The following TBC1D1 variants were observed in gnomAD, a reference collection of about 807,000 sequenced individuals.
TBC1D1 encodes the protein TBC1 (tre-2/USP6, BUB2, cdc16) domain family, member 1.
A neutral mutation model predicts 125.6 loss-of-function variants in TBC1D1; 89 were observed. The ratio of observed to expected loss-of-function variants is 0.71; its 90% CI spans 0.60 to 0.85. The LOEUF is 0.85. Ranked by LOEUF, TBC1D1 falls within the 40% of genes least tolerant of loss-of-function variation. TBC1D1 has a pLI of 0.00. For synonymous variants in TBC1D1, 565 were observed against 564.1 expected (o/e 1.00, Z -0.02); for missense variants, 1,377 against 1,469.2 (o/e 0.94, Z 1.03).
rs10452133 is a variant in TBC1D1, at chr4:37,894,835, C to T, written c.-94+3487C>T. Among the ~76,000 whole-genome samples, 61 of 152,304 alleles carry T rather than the reference C, an allele frequency of 4.0e-4. 1 individual carries two copies. Among genetic ancestry groups the T allele is most frequent in the African/African-American group, 1.4e-3 (59 of 41,574 alleles). On this transcript the variant is annotated intron_variant, in intron 1 of 19. Coordinates refer to ENST00000261439, the MANE Select transcript of TBC1D1 (RefSeq NM_015173.4). ...AAAGATATTTGAGGGTTATTCCCAT[C>T]TAAAGATCTATGGGATCTTTGGATA...
At chr4:38,104,807 G>C (rs1396231181) in intron 15 of TBC1D1, among the ~76,000 whole-genome samples, 1 of 150,978 alleles carries the variant, frequency 6.6e-6, no homozygotes, top group Non-Finnish European at 1.5e-5. Context: ...CCAGGCTAGA[G>C]TGCAGTGGTG....
chr4:37,949,945 C>A (rs1246482620), intron 2 of TBC1D1, among the ~76,000 whole-genome samples: 1 of 152,104 alleles, frequency 6.6e-6, no homozygotes, highest in African/African-American at 2.4e-5. Flanking sequence ...AGTTGAACCC[C>A]AGTTGCACCG....
In TBC1D1 at chr4:38,089,989, A is replaced by G; in HGVS notation, c.2108A>G (p.Asp703Gly). ...TCTCCTTTAGAACCAGTTTGTGAAG[A>G]TGGGCCCTTTGGCCCCCCACCAGAG... is the stretch of plus-strand genomic sequence containing the variant. The change falls in exon 13 of 20, where the codon GAT becomes GGT. Residue 703 changes from aspartate (D) to glycine (G), a missense_variant. Around this residue, in one of 3 missense-constraint regions of TBC1D1, gnomAD observed 543 missense variants for 613.5 expected, o/e 0.89. Coordinates refer to ENST00000261439, the MANE Select transcript of TBC1D1 (RefSeq NM_015173.4). The G allele has an allele frequency of 6.2e-7, 1 of 1,614,000 alleles. No individual in the cohort carries two copies. The highest frequency in any genetic ancestry group is 8.5e-7 in the Non-Finnish European group (1 of 1,179,958).
chr4:38,037,826 G>T (rs1747516998), intron 8 of TBC1D1, among the ~76,000 whole-genome samples: 1 of 152,174 alleles, frequency 6.6e-6, no homozygotes, highest in African/African-American at 2.4e-5. Context: ...TGTCAGAGGA[G>T]TTGTGAAATA....
intron 2 of TBC1D1, among the ~76,000 whole-genome samples, chr4:37,925,395 GA>G (rs1577885163): frequency 1.3e-5 from 2 of 151,898 alleles, no homozygotes; most frequent in South Asian, 2.1e-4. Context: ...AACAAGTGAA[GA>G]AAAAAAATTA....
Position 38,095,937 on chromosome 4 carries a change from A to G in TBC1D1, c.2245A>G (p.Asn749Asp). The change falls in exon 14 of 20, where the codon AAT (asparagine) becomes GAT (aspartate). Residue 749 changes from asparagine (N) to aspartate (D), a missense_variant. Physicochemically the swap from Asn to Asp is conservative, Grantham distance 23. Coordinates refer to ENST00000261439, the MANE Select transcript of TBC1D1 (RefSeq NM_015173.4). ...GGAATGGTCTATTCCAGCCTCTGAA[A>G]ATGATTTGCTGAACAAGCGCCTGAA... 1 of 1,613,304 alleles carries G rather than the reference A, an allele frequency of 6.2e-7. No homozygotes were observed. Among genetic ancestry groups the G allele is most frequent in the African/African-American group, 1.3e-5 (1 of 74,974 alleles).
intron 12 of TBC1D1, among the ~76,000 whole-genome samples, chr4:38,070,014 G>A (rs1437482114): frequency 1.3e-5 from 2 of 152,182 alleles, no homozygotes; most frequent in Non-Finnish European, 2.9e-5. Flanking sequence ...TGTGGGAGGT[G>A]TGGAGCAGGG....
At chr4:37,964,452 C>T (rs953134621) in intron 2 of TBC1D1, among the ~76,000 whole-genome samples, 5 of 152,186 alleles carry the variant, frequency 3.3e-5, no homozygotes, top group Non-Finnish European at 7.3e-5. Context: ...TAGGCTGTGG[C>T]GAGGACCAAG....
At chr4:38,028,106 TAAAA>T (rs1197627194) in intron 7 of TBC1D1, among the ~76,000 whole-genome samples, 326 of 148,232 alleles carry the variant, frequency 2.2e-3, no homozygotes, top group African/African-American at 7.5e-3. Context: ...GATGAGCTGC[TAAAA>T]AAACAAACAA....
chr4:38,005,388 G>A (rs1424621520), intron 2 of TBC1D1, among the ~76,000 whole-genome samples: 1 of 152,170 alleles, frequency 6.6e-6, no homozygotes, highest in African/African-American at 2.4e-5. Context: ...CCTGAATCTT[G>A]GGTATTGTAC....
At chr4:38,114,364 C>G (rs1319505778) in intron 15 of TBC1D1, among the ~76,000 whole-genome samples, 1 of 152,194 alleles carries the variant, frequency 6.6e-6, no homozygotes, top group Non-Finnish European at 1.5e-5. Context: ...CGTAGCTTTC[C>G]TCTTGAGTCA....
intron 12 of TBC1D1, among the ~76,000 whole-genome samples, chr4:38,069,161 C>T (rs953159000): frequency 5.9e-5 from 9 of 152,232 alleles, no homozygotes; most frequent in African/African-American, 2.2e-4. Flanking sequence ...CAAGGTCATA[C>T]AGGCAAGGTC....
intron 1 of TBC1D1, among the ~76,000 whole-genome samples, chr4:37,893,320 G>A (rs1713777451): frequency 6.6e-6 from 1 of 152,180 alleles, no homozygotes; most frequent in Non-Finnish European, 1.5e-5. Context: ...CAGATTCCCA[G>A]AGGACTGAAA....
chr4:37,897,838 C>G (rs1714979677), intron 1 of TBC1D1, among the ~76,000 whole-genome samples: 1 of 152,120 alleles, frequency 6.6e-6, no homozygotes, highest in Non-Finnish European at 1.5e-5. Flanking sequence ...CATTTAATGT[C>G]ATTTTCACCT....
chr4:37,941,890 AGTTT>A (rs1422380288), intron 2 of TBC1D1, among the ~76,000 whole-genome samples: 1 of 152,198 alleles, frequency 6.6e-6, no homozygotes, highest in African/African-American at 2.4e-5. Flanking sequence ...TCAGAGAGAC[AGTTT>A]GTTATAATTT....
chr4:37,996,288 A>G, intron 2 of TBC1D1: 1 of 220,420 alleles, frequency 4.5e-6, no homozygotes, highest in South Asian at 7.2e-5. Flanking sequence ...ATAAATATAT[A>G]TTGAAGTTAT....
Position 38,137,354 on chromosome 4 carries a change from T to C in TBC1D1, c.*19T>C. On this transcript the variant is annotated 3_prime_UTR_variant, in exon 20 of 20. Transcript: ENST00000261439. ...CGACTGACAGCTCTGCAGGAGAGAT[T>C]GCAACACCATCCCACACTGTCCAGG... The C allele has an allele frequency of 1.2e-6, 2 of 1,606,030 alleles. No homozygotes were observed. The highest frequency in any genetic ancestry group is 2.2e-5 in the East Asian group (1 of 44,786).
intron 12 of TBC1D1, among the ~76,000 whole-genome samples, chr4:38,065,195 G>A (rs1042601771): frequency 2.0e-5 from 3 of 151,996 alleles, no homozygotes; most frequent in Non-Finnish European, 2.9e-5. Flanking sequence ...AGGCCAATCC[G>A]CCTTGGCCTC....
intron 2 of TBC1D1, among the ~76,000 whole-genome samples, chr4:37,907,741 A>G (rs1347176164): frequency 6.6e-6 from 1 of 152,194 alleles, no homozygotes; most frequent in African/African-American, 2.4e-5. Context: ...TCACATCCCA[A>G]AGAAATCAAG....
Sources: allele counts gnomAD v4.1 joint callset (sites outside exome capture counted in the v4.1 genomes callset), GRCh38; gene constraint gnomAD v4.1.1; regional missense constraint gnomAD v4.1.1; transcripts MANE v1.5; gene names NCBI Gene and HGNC (gene_info 2026-07-23, HGNC 2026-07-21).